DEPDC7: variants seen among roughly 807,000 people sequenced by gnomAD.
DEPDC7 encodes the protein DEP domain containing 7.
DEPDC7 carries 41 observed loss-of-function variants against 56.6 expected under a neutral mutation model. The observed-to-expected ratio is 0.72, with a 90% CI of 0.56 to 0.94. DEPDC7 has a LOEUF of 0.94. DEPDC7 is among the 40% of genes least tolerant of loss of function. DEPDC7 has a pLI of 0.00. For missense variants in DEPDC7, 522 were observed against 596.3 expected (o/e 0.88, Z 1.30); for synonymous variants, 185 against 208.8 (o/e 0.89, Z 0.98).
At chr11:33,032,605 C>A (rs1364053744) in intron 6 of DEPDC7, 63 bp from the exon 7 acceptor site, 2 of 1,324,526 alleles carry the variant, frequency 1.5e-6, no homozygotes, top group Admixed American at 5.0e-5. Flanking sequence ...TTTAATATTC[C>A]CTTTTATATT....
At chr11:33,030,503 T>TA (rs1374216491) in intron 4 of DEPDC7, among the ~76,000 whole-genome samples, 1 of 149,112 alleles carries the variant, frequency 6.7e-6, no homozygotes, top group Admixed American at 6.6e-5. Context: ...AAAAGTTTAC[T>TA]ACTTTATTTC....
At position 33,027,668 on chromosome 11, in the gene DEPDC7, G is replaced by T. The variant is rs773639242; in HGVS notation, c.465-18G>T. The stretch of plus-strand genomic sequence containing the variant: ...GTGGGCTTAGTAAATGTTCATTTCT[G>T]AAATAAATTCATTTTAGGTATGCAG... On this transcript the variant is annotated intron_variant, in intron 2 of 8. Transcript: ENST00000241051. The T allele has an allele frequency of 2.7e-6, 4 of 1,475,402 alleles. No individual in the cohort carries two copies. Among genetic ancestry groups the T allele is most frequent in the Non-Finnish European group, 3.6e-6 (4 of 1,115,452 alleles). The allele number at this position is 1,475,402 out of a possible 1,614,324, so 91.4% of individuals were successfully genotyped here.
rs1229608061 is a variant in DEPDC7 at position 33,028,594 on chromosome 11, C to T, written c.593-9C>T. On this transcript the variant is annotated splice_polypyrimidine_tract_variant and intron_variant, in intron 3 of 8. Transcript: ENST00000241051. ...TGTTACTTTTCACCTTGTCATTTTTCCTGTGTAGTTATTAATGAAGTGTGG... is the reference window on the plus strand; with the variant it reads ...TGTTACTTTTCACCTTGTCATTTTTTCTGTGTAGTTATTAATGAAGTGTGG... The T allele has an allele frequency of 1.3e-6, 2 of 1,569,224 alleles. No individual in the cohort carries two copies. The highest frequency in any genetic ancestry group is 2.0e-5 in the Admixed American group (1 of 49,680).
intron 1 of DEPDC7, among the ~76,000 whole-genome samples, chr11:33,022,481 T>A (rs1370329370): frequency 2.0e-5 from 3 of 152,226 alleles, no homozygotes; most frequent in South Asian, 2.1e-4. Context: ...AATAGGATTA[T>A]TAATAATCAT....
rs1016313205 is a variant in DEPDC7, at chr11:33,033,469, G to C, written c.*14G>C. On this transcript the variant is annotated 3_prime_UTR_variant, in exon 9 of 9. Transcript: ENST00000241051. ...TTTGGAGACTGAGTTTTTAATATCTGTATATAAGTTGTGTATTTTAAGAAT... is the reference window on the plus strand; with the variant it reads ...TTTGGAGACTGAGTTTTTAATATCTCTATATAAGTTGTGTATTTTAAGAAT... 6.9e-7 allele frequency: 1 copy of C among 1,455,800 alleles called. No homozygotes were observed. Among genetic ancestry groups the C allele is most frequent in the Non-Finnish European group, 9.2e-7 (1 of 1,082,022 alleles). 90.2% of individuals were successfully genotyped at this position (1,455,800 alleles called of 1,614,324 possible).
At position 33,015,939 on chromosome 11, in the gene DEPDC7, T is replaced by C; in HGVS notation, c.-17T>C. On this transcript the variant is annotated 5_prime_UTR_variant, in exon 1 of 9. Transcript: ENST00000241051. ...TGTGAAGCTGCTGGAGGAGTTGGCG[T>C]CCGGGGAGCAAGGGCCATGGCCACC... The C allele has an allele frequency of 6.4e-7, 1 of 1,566,432 alleles. No homozygotes were observed. The highest frequency in any genetic ancestry group is 1.9e-5 in the Admixed American group (1 of 53,728).
rs12276953 is a variant in DEPDC7, at chr11:33,032,300, G to C, written c.995-36G>C. On this transcript the variant is annotated intron_variant, in intron 5 of 8. Transcript: ENST00000241051. ...TGTTCCCTTTAATATAGTCATATTTGGTCAATTAAAAGCAGTTTTTTTCTT... is the reference window on the plus strand; with the variant it reads ...TGTTCCCTTTAATATAGTCATATTTCGTCAATTAAAAGCAGTTTTTTTCTT... 10,238 of 1,534,154 alleles carry C rather than the reference G, an allele frequency of 6.7e-3. 636 individuals are homozygous for C. The African/African-American group carries it at 0.13, about 20-fold the overall frequency.
intron 1 of DEPDC7, chr11:33,016,296 G>T: frequency 1.1e-5 from 16 of 1,394,560 alleles, no homozygotes; most frequent in Non-Finnish European, 1.3e-5. Context: ...CAACTTGACC[G>T]CGCGTTGGTC....
chr11:33,018,950 G>A (rs777232203), intron 1 of DEPDC7, among the ~76,000 whole-genome samples: 6 of 152,116 alleles, frequency 3.9e-5, no homozygotes, highest in African/African-American at 1.4e-4. Flanking sequence ...CATGATCCTC[G>A]CAATGAGTGA....
chr11:33,016,532 T>A, intron 1 of DEPDC7: 2 of 1,614,180 alleles, frequency 1.2e-6, no homozygotes, highest in Non-Finnish European at 1.7e-6. Context: ...AGACTCTTCC[T>A]GGGAGGGATG....
At chr11:33,019,259 A>T (rs1467379229) in intron 1 of DEPDC7, among the ~76,000 whole-genome samples, 2 of 152,132 alleles carry the variant, frequency 1.3e-5, no homozygotes, top group Non-Finnish European at 2.9e-5. Context: ...CCCTCTACCC[A>T]CTGGATGCCA....
Position 33,026,017 on chromosome 11 carries a change from A to G in DEPDC7, c.432A>G (p.Leu144=), listed in dbSNP as rs770594618. The change falls in exon 2 of 9, where the codon TTA becomes TTG. Residue 144 remains leucine, a synonymous_variant. Transcript: ENST00000241051. ...CAATACCTAACCAAGACAGTCAGTT[A>G]GGCAAAGAGAACAAACTATATTCAC... ...FTTIPNQDSQ[L]GKENKLYSPA... is the part of the protein sequence containing the mutation. 97 of 1,613,954 alleles carry G rather than the reference A, an allele frequency of 6.0e-5. 1 individual carries two copies. The South Asian group carries it at 9.4e-4, about 16-fold the overall frequency.
At chr11:33,032,603 TC>T (rs1404919867) in intron 6 of DEPDC7, 64 bp from the exon 7 acceptor site, 8 of 1,330,712 alleles carry the variant, frequency 6.0e-6, no homozygotes, top group Admixed American at 2.5e-5. Context: ...TATTTAATAT[TC>T]CCTTTTATAT....
rs1373790305 is a variant in DEPDC7, at chr11:33,032,443, G to A, written c.1102G>A (p.Ala368Thr). 1.1e-5 allele frequency: 17 copies of A among 1,566,144 alleles called. 2 individuals carry two copies. Among genetic ancestry groups the A allele is most frequent in the Middle Eastern group, 3.6e-4 (2 of 5,552 alleles). Residue 368 changes from alanine to threonine, a missense_variant, in exon 6 of 9, where the codon GCA becomes ACA. Coordinates refer to ENST00000241051, the MANE Select transcript of DEPDC7 (RefSeq NM_001077242.2). ...AAGACTACTGTATTTCATGGCTGTT[G>A]CAGCAAATCCTTCTGAGTTTAAATT... ...FRRLLYFMAV[A>T]ANPSEFKLQK...
intron 4 of DEPDC7, among the ~76,000 whole-genome samples, chr11:33,031,172 G>A (rs1253140685): frequency 6.6e-6 from 1 of 152,134 alleles, no homozygotes; most frequent in Non-Finnish European, 1.5e-5. Flanking sequence ...AAAGTAAAGG[G>A]AAAACATTAA....
At chr11:33,019,879 T>C (rs1321851112) in intron 1 of DEPDC7, among the ~76,000 whole-genome samples, 5 of 131,670 alleles carry the variant, frequency 3.8e-5, no homozygotes, top group Non-Finnish European at 6.5e-5. Context: ...ATTCAGTTCC[T>C]TTTTTTTTTT....
chr11:33,031,937 C>A (rs547605493), intron 5 of DEPDC7, among the ~76,000 whole-genome samples: 7 of 152,268 alleles, frequency 4.6e-5, no homozygotes, highest in African/African-American at 1.7e-4. Flanking sequence ...TGTCTCTCTA[C>A]CAATGAGCCA....
At chr11:33,019,519 G>T (rs1183181367) in intron 1 of DEPDC7, among the ~76,000 whole-genome samples, 1 of 151,838 alleles carries the variant, frequency 6.6e-6, no homozygotes, top group African/African-American at 2.4e-5. Context: ...TCCAAAAATT[G>T]TCTGGGTGTA....
At chr11:33,023,987 C>T (rs1202792450) in intron 1 of DEPDC7, among the ~76,000 whole-genome samples, 1 of 152,102 alleles carries the variant, frequency 6.6e-6, no homozygotes, top group Non-Finnish European at 1.5e-5. Context: ...ATATACTTAA[C>T]ATAAATGGGG....
Sources: gnomAD v4.1 joint callset for allele counts (sites outside exome capture counted in the v4.1 genomes callset) on GRCh38, gnomAD v4.1.1 for gene constraint, MANE v1.5 for transcripts, NCBI Gene and HGNC (gene_info 2026-07-23, HGNC 2026-07-21) for gene names.